The following TBL1XR1 variants were observed in gnomAD, a reference collection of about 807,000 sequenced individuals.
TBL1XR1 encodes the protein TBL1X/Y related 1.
In TBL1XR1, 5 loss-of-function variants were observed where a neutral mutation model predicts 66.9. That is an observed-to-expected ratio of 0.07 (90% confidence interval 0.04 to 0.16). The LOEUF (loss-of-function observed/expected upper bound fraction) is 0.16, where lower values mean the gene tolerates loss of function less well. Among genes scored for constraint, TBL1XR1 ranks in the 10% least tolerant of loss-of-function variants. The pLI is 1.00. For synonymous variants in TBL1XR1, 210 were observed against 206.0 expected (o/e 1.02, Z -0.17); for missense variants, 238 against 623.2 (o/e 0.38, Z 6.58).
intron 1 of TBL1XR1, among the ~76,000 whole-genome samples, chr3:177,140,526 A>G (rs1729512373): frequency 6.6e-6 from 1 of 152,236 alleles, no homozygotes. Context: ...ATTTTCAGAC[A>G]TTCAAGAACT....
intron 1 of TBL1XR1, among the ~76,000 whole-genome samples, chr3:177,133,915 C>CTA (rs1368818271): frequency 1.4e-5 from 2 of 145,214 alleles, no homozygotes; most frequent in Non-Finnish European, 3.0e-5. Context: ...CATGTTAACA[C>CTA]TATATATTGG....
intron 1 of TBL1XR1, among the ~76,000 whole-genome samples, chr3:177,193,907 A>T (rs1281087075): frequency 6.6e-6 from 1 of 152,170 alleles, no homozygotes; most frequent in Non-Finnish European, 1.5e-5. Flanking sequence ...TCTCTGTTTC[A>T]TCATCCACAA....
chr3:177,186,603 TA>T (rs1405860235), intron 1 of TBL1XR1, among the ~76,000 whole-genome samples: 2 of 152,192 alleles, frequency 1.3e-5, no homozygotes, highest in African/African-American at 4.8e-5. Flanking sequence ...CCCTAACCCA[TA>T]AACTGTGTTC....
intron 1 of TBL1XR1, among the ~76,000 whole-genome samples, chr3:177,101,480 C>A (rs1724206245): frequency 6.6e-6 from 1 of 152,056 alleles, no homozygotes; most frequent in South Asian, 2.1e-4. Context: ...GGAGGTGGGG[C>A]CTTTGAGAGG....
chr3:177,177,507 C>CAA (rs1734302504), intron 1 of TBL1XR1, among the ~76,000 whole-genome samples: 1 of 152,210 alleles, frequency 6.6e-6, no homozygotes, highest in African/African-American at 2.4e-5. Flanking sequence ...ATCATCAGTA[C>CAA]AAAGCACATT....
chr3:177,135,344 T>TG (rs1728840812), intron 1 of TBL1XR1, among the ~76,000 whole-genome samples: 1 of 14,206 alleles, frequency 7.0e-5, no homozygotes, highest in African/African-American at 3.4e-4. Flanking sequence ...TATACATATA[T>TG]ATATATATAT....
intron 2 of TBL1XR1, among the ~76,000 whole-genome samples, chr3:177,081,743 CAAA>C (rs34501803): frequency 0.33 from 42,630 of 129,680 alleles, 6,629 homozygotes; most frequent in East Asian, 0.58. Context: ...ACCCTGACTT[CAAA>C]AAAAAAAAAA....
intron 1 of TBL1XR1, among the ~76,000 whole-genome samples, chr3:177,134,983 G>GTC (rs1553852579): frequency 5.5e-5 from 8 of 145,486 alleles, no homozygotes; most frequent in Admixed American, 3.4e-4. Flanking sequence ...GTGTGTCTGT[G>GTC]TGTGTGTGTT....
chr3:177,125,024 T>C (rs759385443), intron 1 of TBL1XR1, among the ~76,000 whole-genome samples: 5 of 152,004 alleles, frequency 3.3e-5, no homozygotes, highest in African/African-American at 4.8e-5. Flanking sequence ...AATGGTTTCA[T>C]AGATATGCCA....
At chr3:177,146,608 G>T (rs1238331868) in intron 1 of TBL1XR1, among the ~76,000 whole-genome samples, 17 of 43,568 alleles carry the variant, frequency 3.9e-4, no homozygotes, top group South Asian at 1.2e-3. Flanking sequence ...AAAAAAAAAA[G>T]TTGTATTCAC....
chr3:177,065,209 G>A (rs924204079), intron 2 of TBL1XR1, among the ~76,000 whole-genome samples, 187 bp from the exon 3 acceptor site: 3 of 151,936 alleles, frequency 2.0e-5, no homozygotes, highest in Non-Finnish European at 4.4e-5. Flanking sequence ...AAACATGGCT[G>A]GTGTTATTTT....
intron 1 of TBL1XR1, among the ~76,000 whole-genome samples, chr3:177,150,591 T>C (rs1560231840): frequency 6.6e-6 from 1 of 152,190 alleles, no homozygotes; most frequent in Non-Finnish European, 1.5e-5. Flanking sequence ...TCAGGTACTG[T>C]TTTTCCATGT....
intron 1 of TBL1XR1, among the ~76,000 whole-genome samples, chr3:177,115,964 A>AG (rs1444266509): frequency 1.3e-5 from 2 of 152,140 alleles, no homozygotes; most frequent in Non-Finnish European, 2.9e-5. Context: ...GGAAGGAATG[A>AG]GGAGGCCAGG....
rs1413836060 is a variant in TBL1XR1 at position 177,197,224 on chromosome 3, A to G, written c.-225T>C. 2.6e-5 allele frequency: 4 copies of G among 152,268 alleles called. No homozygotes were observed. The East Asian group carries it at 5.9e-4, about 22-fold the overall frequency. The allele number at this position is 152,268 out of a possible 1,614,324, so 9.4% of individuals were successfully genotyped here. A position where few individuals can be genotyped will look rare whatever the true frequency, so the allele number is the denominator to read the frequency against. ...GCCACCGCCTCCAACCACCCCCAAAATAACCCCTCCGGGGGGTGAGAGGCA... is the reference window on the plus strand; with the variant it reads ...GCCACCGCCTCCAACCACCCCCAAAGTAACCCCTCCGGGGGGTGAGAGGCA... On this transcript the variant is annotated 5_prime_UTR_variant, in exon 1 of 16. Transcript: ENST00000457928.
At chr3:177,064,001 T>C (rs561968390) in intron 3 of TBL1XR1, among the ~76,000 whole-genome samples, 1 of 152,330 alleles carries the variant, frequency 6.6e-6, no homozygotes, top group East Asian at 1.9e-4. Context: ...AACTATGCCA[T>C]ACAAGAAGAA....
At chr3:177,152,983 A>C (rs1353153775) in intron 1 of TBL1XR1, among the ~76,000 whole-genome samples, 1 of 152,104 alleles carries the variant, frequency 6.6e-6, no homozygotes, top group Non-Finnish European at 1.5e-5. Context: ...TCTACTAAAA[A>C]TAAAAAAACT....
At chr3:177,196,507 C>T (rs1316475665) in intron 1 of TBL1XR1, 1 of 148,024 alleles carries the variant, frequency 6.8e-6, no homozygotes, top group Non-Finnish European at 1.5e-5. Context: ...GCCCCCGCCC[C>T]GGACGCGCGG....
At chr3:177,198,708 C>T (rs1025797382), upstream of TBL1XR1, among the ~76,000 whole-genome samples, 1 of 152,128 alleles carries the variant, frequency 6.6e-6, no homozygotes, top group Non-Finnish European at 1.5e-5. Context: ...TTTGTTATTT[C>T]GCTTATTACT....
intron 2 of TBL1XR1, among the ~76,000 whole-genome samples, chr3:177,076,885 G>A (rs1720767256): frequency 6.6e-6 from 1 of 152,178 alleles, no homozygotes; most frequent in Non-Finnish European, 1.5e-5. Context: ...TTGGACCTTG[G>A]CTATGTGACC....
Sources: allele counts gnomAD v4.1 joint callset (sites outside exome capture counted in the v4.1 genomes callset), GRCh38; gene constraint gnomAD v4.1.1; transcripts MANE v1.5; gene names NCBI Gene and HGNC (gene_info 2026-07-23, HGNC 2026-07-21).